The following ACAT1 variants were observed in gnomAD, a reference collection of about 807,000 sequenced individuals.
The protein encoded by ACAT1 is acetyl-CoA acetyltransferase, mitochondrial.
ACAT1 carries 28 observed loss-of-function variants against 47.3 expected under a neutral mutation model. That is an observed-to-expected ratio of 0.59 (90% CI 0.44 to 0.81). ACAT1 has a LOEUF of 0.81. ACAT1 is among the 30% of genes least tolerant of loss of function. The pLI is 0.00. For synonymous variants in ACAT1, 181 were observed against 173.6 expected, an observed-to-expected ratio of 1.04 and a Z score of -0.34; for missense variants, 469 against 524.3, an observed-to-expected ratio of 0.89 and a Z score of 1.03.
chr11:108,140,582 T>G (rs1016282430), intron 7 of ACAT1, among the ~76,000 whole-genome samples: 10 of 152,216 alleles, frequency 6.6e-5, no homozygotes, highest in Non-Finnish European at 1.2e-4. Context: ...TGGAACTGGG[T>G]GTTCACTACT....
intron 9 of ACAT1, chr11:108,143,721 T>C (rs1486009699): frequency 2.8e-6 from 1 of 363,016 alleles, no homozygotes; most frequent in Non-Finnish European, 5.1e-6. Flanking sequence ...ATCTGAACTA[T>C]TCTGACAACC....
In ACAT1 at chr11:108,128,218, T is replaced by C. The variant is rs78125213; in HGVS notation, c.73-3689T>C. 6.1e-3 allele frequency among the ~76,000 whole-genome samples: 923 copies of C among 152,108 alleles called. 9 individuals carry two copies. Among genetic ancestry groups the C allele is most frequent in the African/African-American group, 0.02 (819 of 41,502 alleles). On this transcript the variant is annotated intron_variant, in intron 1 of 11. Transcript: ENST00000265838. ...GAAATAAAATCCTGATCTGAGTGGG[T>C]TGAACTGTAAAGAGGAGGTGAGGAC...
intron 9 of ACAT1, 94 bp from the exon 10 acceptor site, chr11:108,143,889 A>G: frequency 7.2e-7 from 1 of 1,393,810 alleles, no homozygotes; most frequent in South Asian, 1.2e-5. Context: ...GGGCTAGGAA[A>G]TGTGCATTTA....
chr11:108,140,214 A>C lies in ACAT1; in HGVS notation c.729A>C (p.Lys243Asn), dbSNP rs1454987071. The C allele has an allele frequency of 1.2e-6, 2 of 1,613,944 alleles. No individual in the cohort carries two copies. The highest frequency in any genetic ancestry group is 1.7e-6 in the Non-Finnish European group (2 of 1,179,964). ...NEVIPVTVTV[K>N]GQPDVVVKED... is the part of the protein sequence containing the mutation. Reference sequence around the variant, plus strand: ...TTATTCCTGTCACAGTTACAGTAAAAGGTAGAGATAATGTTCCAAAAAGGA... The same window carrying C: ...TTATTCCTGTCACAGTTACAGTAAACGGTAGAGATAATGTTCCAAAAAGGA... Residue 243 changes from lysine (K) to asparagine (N), a missense_variant and splice_region_variant, in exon 7 of 12, where the codon AAA becomes AAC. Coordinates refer to ENST00000265838, the MANE Select transcript of ACAT1 (RefSeq NM_000019.4).
At chr11:108,146,606 T>C (rs1233167046) in intron 11 of ACAT1, among the ~76,000 whole-genome samples, 2 of 152,126 alleles carry the variant, frequency 1.3e-5, no homozygotes, top group Non-Finnish European at 2.9e-5. Flanking sequence ...TACCCCCTTT[T>C]TCTCCTTCCT....
upstream of ACAT1, among the ~76,000 whole-genome samples, chr11:108,120,658 G>A (rs2077131627): frequency 2.0e-5 from 3 of 152,326 alleles, no homozygotes; most frequent in South Asian, 6.2e-4. Context: ...TCTGCTCCAT[G>A]ATGTCTGGGG....
At chr11:108,119,999 G>C (rs1206438838), upstream of ACAT1, among the ~76,000 whole-genome samples, 1 of 152,030 alleles carries the variant, frequency 6.6e-6, no homozygotes, top group Non-Finnish European at 1.5e-5. Context: ...GGCGGATTGC[G>C]TGAGCTCAGG....
rs1131691567 is a variant in ACAT1, at chr11:108,146,201, G to C, written c.1006-1G>C. On this transcript the variant is annotated splice_acceptor_variant, in intron 10 of 11. Transcript: ENST00000265838. LOFTEE classifies it high-confidence loss of function. ...ATCATCTGTCTTTTAAAAAATTTAAGGTTCTTAAAGATGTGGGATTGAAAA... is the reference window on the plus strand; with the variant it reads ...ATCATCTGTCTTTTAAAAAATTTAACGTTCTTAAAGATGTGGGATTGAAAA... The C allele has an allele frequency of 6.2e-7, 1 of 1,608,134 alleles. No homozygotes were observed.
At chr11:108,132,873 A>AAAAAAAAG (rs2077390754) in intron 2 of ACAT1, among the ~76,000 whole-genome samples, 1 of 137,572 alleles carries the variant, frequency 7.3e-6, no homozygotes, top group East Asian at 2.1e-4. Flanking sequence ...AAAAAAAAAA[A>AAAAAAAAG]AAAAAAAAGA....
intron 10 of ACAT1, 167 bp downstream of exon 10, chr11:108,144,214 C>T: frequency 1.7e-6 from 1 of 590,920 alleles, no homozygotes; most frequent in East Asian, 3.1e-5. Flanking sequence ...ACAAGGATAA[C>T]AAACAAAAAA....
chr11:108,146,277 C>T lies in ACAT1; in HGVS notation c.1081C>T (p.Leu361=), dbSNP rs547532857. ...EVNEAFSLVV[L]ANIKMLEIDP... is the part of the protein sequence containing the mutation. ...AAATGAAGCCTTTAGTCTGGTTGTA[C>T]TAGCAAACATTAAAATGTTGGAGAT... The change falls in exon 11 of 12, where the codon CTA becomes TTA. Residue 361 remains leucine (L), a synonymous_variant. Coordinates refer to ENST00000265838, the MANE Select transcript of ACAT1 (RefSeq NM_000019.4). 4 of 1,613,630 alleles carry T rather than the reference C, an allele frequency of 2.5e-6. No individual in the cohort carries two copies. The highest frequency in any genetic ancestry group is 1.3e-5 in the African/African-American group (1 of 74,994).
intron 1 of ACAT1, among the ~76,000 whole-genome samples, chr11:108,123,468 C>T (rs2077187329): frequency 6.6e-6 from 1 of 152,250 alleles, no homozygotes; most frequent in African/African-American, 2.4e-5. Flanking sequence ...TTTCCCTTTG[C>T]TTACCAGGTC....
At chr11:108,121,537 T>A (rs566741161), upstream of ACAT1, 1,492 of 1,496,672 alleles carry the variant, frequency 1.0e-3, no homozygotes, top group Non-Finnish European at 1.2e-3. Context: ...GCCGGGCCGC[T>A]AGGGGTGCGG....
intron 10 of ACAT1, among the ~76,000 whole-genome samples, chr11:108,144,777 T>C (rs565100743): frequency 6.6e-6 from 1 of 152,108 alleles, no homozygotes; most frequent in African/African-American, 2.4e-5. Context: ...AGTGGAGTGA[T>C]GATCTGCTCA....
chr11:108,129,991 A>G (rs1374195928), intron 1 of ACAT1, among the ~76,000 whole-genome samples: 1 of 152,200 alleles, frequency 6.6e-6, no homozygotes, highest in Non-Finnish European at 1.5e-5. Flanking sequence ...AACCCAAGCT[A>G]GAAAATCACT....
intron 1 of ACAT1, among the ~76,000 whole-genome samples, chr11:108,127,404 A>G (rs919025999): frequency 6.6e-5 from 10 of 151,920 alleles, no homozygotes; most frequent in African/African-American, 2.4e-4. Context: ...AGCTAGGGCT[A>G]CAGGTGCCCG....
At chr11:108,119,530 C>A (rs144089912), upstream of ACAT1, among the ~76,000 whole-genome samples, 850 of 152,256 alleles carry the variant, frequency 5.6e-3, 8 homozygotes, top group African/African-American at 0.019. Flanking sequence ...CTGTGTGATA[C>A]CCTAGTCATC....
chr11:108,121,458 C>A, upstream of ACAT1: 1 of 905,758 alleles, frequency 1.1e-6, no homozygotes, highest in Non-Finnish European at 1.7e-6. Flanking sequence ...CCGCCCCGCC[C>A]TTGGCTGCCG....
rs745386184 is a variant in ACAT1 at position 108,147,529 on chromosome 11, A to AATG, written c.*144_*146dup. On this transcript the variant is annotated 3_prime_UTR_variant, in exon 12 of 12. Coordinates refer to ENST00000265838, the MANE Select transcript of ACAT1 (RefSeq NM_000019.4). ...TTCTATGTTAACTTTTAAAAATCAA[A>AATG]ATGATGAAATCCCAAAACATTTTGA... 7.9e-6 allele frequency: 9 copies of AATG among 1,132,932 alleles called. No individual in the cohort carries two copies. The highest frequency in any genetic ancestry group is 1.1e-5 in the Non-Finnish European group (9 of 797,212). 70.2% of individuals were successfully genotyped at this position (1,132,932 alleles called of 1,614,324 possible).
Sources: allele counts gnomAD v4.1 joint callset (sites outside exome capture counted in the v4.1 genomes callset), GRCh38; gene constraint gnomAD v4.1.1; transcripts MANE v1.5; gene names NCBI Gene and HGNC (gene_info 2026-07-23, HGNC 2026-07-21).